Variants in FAM135B observed in about 807,000 individuals in gnomAD.
The protein encoded by FAM135B is protein FAM135B.
A neutral mutation model predicts 127.7 loss-of-function variants in FAM135B; 43 were observed. The ratio of observed to expected loss-of-function variants is 0.34; its 90% CI spans 0.26 to 0.43. FAM135B has a LOEUF of 0.43. Among genes scored for constraint, FAM135B ranks in the 20% least tolerant of loss-of-function variants. The pLI is 1.00. For missense variants in FAM135B, 1,558 were observed against 1,725.6 expected (o/e 0.90, Z 1.72); for synonymous variants, 670 against 665.1 (o/e 1.01, Z -0.11).
chr8:138,405,459 C>T (rs928075419), intron 1 of FAM135B, among the ~76,000 whole-genome samples: 4 of 148,890 alleles, frequency 2.7e-5, no homozygotes, highest in African/African-American at 7.4e-5. Context: ...TGAGAACATG[C>T]GGTGTTTGGT....
rs143175797 is a variant in FAM135B at position 138,216,877 on chromosome 8, C to T, written c.670-19208G>A. Among the ~76,000 whole-genome samples the T allele has an allele frequency of 8.1e-3, 1,228 of 152,144 alleles. 13 individuals carry two copies. Among genetic ancestry groups the T allele is most frequent in the African/African-American group, 0.028 (1,164 of 41,496 alleles). On this transcript the variant is annotated intron_variant, in intron 7 of 19. Transcript: ENST00000395297. The stretch of plus-strand genomic sequence containing the variant: ...CCTAACCATCTTATAAAAGGGGAAA[C>T]GAGGCATGAGGACACATAATAAGTA...
intron 3 of FAM135B, among the ~76,000 whole-genome samples, chr8:138,287,512 A>G (rs1347158185): frequency 1.5e-5 from 2 of 130,806 alleles, no homozygotes. Flanking sequence ...GCTGCTTGGT[A>G]TCTCCCTTAG....
At chr8:138,415,077 T>C (rs1834063872) in intron 1 of FAM135B, among the ~76,000 whole-genome samples, 1 of 152,146 alleles carries the variant, frequency 6.6e-6, no homozygotes, top group Admixed American at 6.6e-5. Context: ...AAGATAATGA[T>C]CACAAGCTAA....
intron 1 of FAM135B, among the ~76,000 whole-genome samples, chr8:138,396,303 T>C (rs1279284204): frequency 1.3e-5 from 2 of 151,978 alleles, no homozygotes; most frequent in Non-Finnish European, 2.9e-5. Context: ...TGCATAGACA[T>C]AAAGAGTGAA....
chr8:138,142,485 T>C (rs1341371460), intron 16 of FAM135B, among the ~76,000 whole-genome samples: 1 of 151,778 alleles, frequency 6.6e-6, no homozygotes, highest in African/African-American at 2.4e-5. Context: ...TTTGTGTTTT[T>C]AGTAGAGATG....
intron 1 of FAM135B, among the ~76,000 whole-genome samples, chr8:138,450,108 C>A (rs1836408952): frequency 6.6e-6 from 1 of 152,178 alleles, no homozygotes; most frequent in Non-Finnish European, 1.5e-5. Flanking sequence ...AAAGCTATGC[C>A]TTTTCAGGCT....
chr8:138,148,692 G>C lies in FAM135B; in HGVS notation c.3282-6C>G, dbSNP rs2130695414. On this transcript the variant is annotated splice_region_variant and splice_polypyrimidine_tract_variant and intron_variant, in intron 13 of 19. Coordinates refer to ENST00000395297, the MANE Select transcript of FAM135B (RefSeq NM_015912.4). ...TTTCTTTGGCCTGATAAAAACTGGA[G>C]AATACACTAATTAATCACAAGCCAA... 6.3e-7 allele frequency: 1 copy of C among 1,595,004 alleles called. No individual in the cohort carries two copies. Among genetic ancestry groups the C allele is most frequent in the Non-Finnish European group, 8.6e-7 (1 of 1,167,962 alleles).
chr8:138,277,795 A>G (rs1239102294), intron 3 of FAM135B, among the ~76,000 whole-genome samples: 2 of 152,120 alleles, frequency 1.3e-5, no homozygotes, highest in Admixed American at 1.3e-4. Context: ...CTGCTCAACA[A>G]CACTCGGCAG....
At chr8:138,378,688 T>C (rs1161674638) in intron 1 of FAM135B, among the ~76,000 whole-genome samples, 1 of 151,994 alleles carries the variant, frequency 6.6e-6, no homozygotes, top group Non-Finnish European at 1.5e-5. Context: ...TTGAAAAGTA[T>C]TTTCTTTCCT....
chr8:138,261,758 G>A (rs553232802), intron 4 of FAM135B, among the ~76,000 whole-genome samples: 137 of 23,120 alleles, frequency 5.9e-3, no homozygotes, highest in African/African-American at 0.023. Context: ...TGACCTCATT[G>A]CACAACTGAA....
chr8:138,462,084 A>G (rs16909184), intron 1 of FAM135B, among the ~76,000 whole-genome samples: 15,829 of 152,212 alleles, frequency 0.1, 1,291 homozygotes, highest in African/African-American at 0.22. Flanking sequence ...AAATCCATCA[A>G]TGTAAATACT....
intron 3 of FAM135B, among the ~76,000 whole-genome samples, chr8:138,293,197 T>C (rs868790452): frequency 2.6e-5 from 4 of 152,172 alleles, no homozygotes; most frequent in Non-Finnish European, 4.4e-5. Context: ...TAGCCACAGG[T>C]AGAAGAATGA....
chr8:138,359,131 C>A (rs1830259821), intron 2 of FAM135B, among the ~76,000 whole-genome samples: 1 of 151,962 alleles, frequency 6.6e-6, no homozygotes, highest in Non-Finnish European at 1.5e-5. Flanking sequence ...TAACTGAAGT[C>A]TATTCACTCA....
chr8:138,431,100 T>C (rs1047962228), intron 1 of FAM135B, among the ~76,000 whole-genome samples: 6 of 152,212 alleles, frequency 3.9e-5, no homozygotes, highest in Non-Finnish European at 7.3e-5. Context: ...CCAGAATTTA[T>C]GTTCACCTCC....
chr8:138,332,302 A>G (rs1198402117), intron 2 of FAM135B, among the ~76,000 whole-genome samples: 1 of 152,162 alleles, frequency 6.6e-6, no homozygotes, highest in African/African-American at 2.4e-5. Flanking sequence ...AGTTTTAGAA[A>G]GATGTTGCCA....
chr8:138,153,538 C>G (rs1215382121), intron 12 of FAM135B, among the ~76,000 whole-genome samples: 1 of 152,136 alleles, frequency 6.6e-6, no homozygotes, highest in East Asian at 1.9e-4. Context: ...CTTTCCTAGC[C>G]AAGGGAAGCC....
At chr8:138,196,194 T>C (rs1816613162) in intron 8 of FAM135B, among the ~76,000 whole-genome samples, 1 of 152,298 alleles carries the variant, frequency 6.6e-6, no homozygotes, top group African/African-American at 2.4e-5. Context: ...TAAAATATAA[T>C]ATAAAAAGTT....
intron 1 of FAM135B, among the ~76,000 whole-genome samples, chr8:138,422,110 A>C (rs547814934): frequency 1.3e-5 from 2 of 152,312 alleles, no homozygotes; most frequent in Admixed American, 1.3e-4. Context: ...CCATACACAA[A>C]AAAGTCAACA....
chr8:138,351,931 C>G (rs1829810901), intron 2 of FAM135B, among the ~76,000 whole-genome samples: 1 of 152,142 alleles, frequency 6.6e-6, no homozygotes, highest in Non-Finnish European at 1.5e-5. Context: ...CTCAGGTGAT[C>G]TGTCCGCCTC....
Sources: allele counts gnomAD v4.1 joint callset (sites outside exome capture counted in the v4.1 genomes callset), GRCh38; gene constraint gnomAD v4.1.1; transcripts MANE v1.5; gene names NCBI Gene and HGNC (gene_info 2026-07-23, HGNC 2026-07-21).